Variants in MSN observed in about 807,000 individuals in gnomAD.
MSN encodes epididymis luminal protein 70.
A neutral mutation model predicts 48.0 loss-of-function variants in MSN; 2 were observed. That is an observed-to-expected ratio of 0.04 (90% CI 0.02 to 0.13). The LOEUF is 0.13. Ranked by LOEUF, MSN falls within the 10% of genes least tolerant of loss-of-function variation. MSN has a pLI of 1.00. For missense variants in MSN, 267 were observed against 470.1 expected, an observed-to-expected ratio of 0.57 and a Z score of 3.99; for synonymous variants, 146 against 166.9, an observed-to-expected ratio of 0.87 and a Z score of 0.97.
chrX:65,739,228 T>A, intron 12 of MSN, 34 bp downstream of exon 12: 1 of 1,136,774 alleles, frequency 8.8e-7, no homozygotes, highest in Non-Finnish European at 1.2e-6. Context: ...AAGGAAACTA[T>A]ATGCATTGAT....
At chrX:65,729,191 T>G (rs1325081329) in intron 3 of MSN, among the ~76,000 whole-genome samples, 1 of 111,904 alleles carries the variant, frequency 8.9e-6, no homozygotes, top group Non-Finnish European at 1.9e-5. Context: ...GGTTTGAAGA[T>G]TTCTGATCAT....
rs1170529944 is a variant in MSN at position 65,657,368 on chromosome X, G to A, written c.-21-59450G>A. On this transcript the variant is annotated intron_variant, in intron 1 of 3. Transcript: ENST00000609672. ...CACAGATGGATGCGGATGGTTCACA[G>A]ACGGGCCATGAGCTCAGCAGGCTGT... Among the ~76,000 whole-genome samples, 10 of 110,252 alleles carry A rather than the reference G, an allele frequency of 9.1e-5. No homozygotes were observed. In the Admixed American group the frequency reaches 9.6e-4, roughly 11 times the overall value.
At chrX:65,607,488 C>G (rs901835491) in intron 1 of MSN, among the ~76,000 whole-genome samples, 1 of 111,417 alleles carries the variant, frequency 9.0e-6, no homozygotes, top group African/African-American at 3.3e-5. Flanking sequence ...AATAGAGACA[C>G]AGGGTCAGGG....
Position 65,736,908 on chromosome X carries a change from C to A in MSN, c.1073C>A (p.Thr358Asn). The A allele has an allele frequency of 8.3e-7, 1 of 1,206,990 alleles. No homozygotes were observed. ...AGGCTGAAGCAGATCGAGGAACAGA[C>A]TAAGAAGGCTCAGCAAGGTGAGGCT... ...MERLKQIEEQ[T>N]KKAQQELEEQ... The change falls in exon 9 of 13, where the codon ACT becomes AAT. Residue 358 changes from threonine (T) to asparagine (N), a missense_variant. Physicochemically the swap from Thr to Asn is moderately conservative, Grantham distance 65. Coordinates refer to ENST00000360270, the MANE Select transcript of MSN (RefSeq NM_002444.3).
chrX:65,616,723 G>A (rs1190003768), intron 1 of MSN, among the ~76,000 whole-genome samples: 2 of 102,506 alleles, frequency 2.0e-5, no homozygotes, highest in African/African-American at 7.2e-5. Context: ...GATTGCCCTG[G>A]CCAGAACTTC....
intron 1 of MSN, among the ~76,000 whole-genome samples, chrX:65,617,588 C>A (rs2148358112): frequency 9.6e-6 from 1 of 104,690 alleles, no homozygotes; most frequent in South Asian, 4.2e-4. Context: ...CTATTTGATT[C>A]TTCTCTCTTT....
At chrX:65,702,165 G>A (rs1244214495) in intron 1 of MSN, among the ~76,000 whole-genome samples, 2 of 107,578 alleles carry the variant, frequency 1.9e-5, no homozygotes, top group Non-Finnish European at 3.9e-5. Context: ...AGAATGCACC[G>A]CTACACCTGG....
intron 1 of MSN, among the ~76,000 whole-genome samples, chrX:65,710,975 C>T (rs2071408316): frequency 9.6e-6 from 1 of 103,994 alleles, no homozygotes; most frequent in Non-Finnish European, 2.0e-5. Flanking sequence ...GCCTCTGCCT[C>T]CTGGGTTCAA....
intron 1 of MSN, among the ~76,000 whole-genome samples, chrX:65,651,126 T>G: frequency 9.1e-6 from 1 of 110,329 alleles, no homozygotes; most frequent in Non-Finnish European, 1.9e-5. Flanking sequence ...ATTAATAGGT[T>G]TTGAAAATTA....
In MSN at chrX:65,738,572, G is replaced by A. The variant is rs1403216287; in HGVS notation, c.1299G>A (p.Met433Ile). Residue 433 changes from methionine to isoleucine, a missense_variant, in exon 11 of 13, where the codon ATG (methionine) becomes ATA (isoleucine). Met to Ile is a conservative substitution (Grantham distance 10). This residue lies in a region of MSN where 70 missense variants were observed against 76.3 expected (regional missense o/e 0.92). Coordinates refer to ENST00000360270, the MANE Select transcript of MSN (RefSeq NM_002444.3). Reference sequence around the variant, plus strand: ...CAGCTCGAATCTCCCAGCTGGAGATGGCCCGACAGAAGAAGGAGAGTGAGG... The same window carrying A: ...CAGCTCGAATCTCCCAGCTGGAGATAGCCCGACAGAAGAAGGAGAGTGAGG... ...ELTARISQLE[M>I]ARQKKESEAV... is the part of the protein sequence containing the mutation. 8.3e-7 allele frequency: 1 copy of A among 1,208,036 alleles called. No homozygotes were observed. Among genetic ancestry groups the A allele is most frequent in the Non-Finnish European group, 1.1e-6 (1 of 894,230 alleles).
upstream of MSN, among the ~76,000 whole-genome samples, chrX:65,664,684 C>A (rs1231720714): frequency 9.4e-6 from 1 of 106,898 alleles, no homozygotes; most frequent in Non-Finnish European, 1.9e-5. Context: ...CAGCCCCTTT[C>A]CCCCTATTTC....
At chrX:65,619,269 G>A (rs976833662) in intron 1 of MSN, among the ~76,000 whole-genome samples, 2 of 102,480 alleles carry the variant, frequency 2.0e-5, no homozygotes, top group South Asian at 4.1e-4. Context: ...TGCTAGATTG[G>A]GGAAGTTCTC....
chrX:65,651,996 A>G (rs1265846041), intron 1 of MSN, among the ~76,000 whole-genome samples: 1 of 107,344 alleles, frequency 9.3e-6, no homozygotes, highest in African/African-American at 3.4e-5. Flanking sequence ...CACGCCTGTA[A>G]TCCCAGCACT....
At position 65,703,342 on chromosome X, in the gene MSN, C is replaced by T. The variant is rs773280961; in HGVS notation, c.13-13476C>T. ...TCTCCCAATAACCCTGTACTGAGGT[C>T]GATATTATTAGACCCGTTTTATAGA... On this transcript the variant is annotated intron_variant, in intron 1 of 12. Transcript: ENST00000360270. Among the ~76,000 whole-genome samples, 8 of 110,517 alleles carry T rather than the reference C, an allele frequency of 7.2e-5. No individual in the cohort carries two copies. In the South Asian group the frequency reaches 1.2e-3, roughly 16 times the overall value.
At chrX:65,615,698 T>A (rs1276955791) in intron 1 of MSN, among the ~76,000 whole-genome samples, 2 of 108,073 alleles carry the variant, frequency 1.9e-5, no homozygotes, top group African/African-American at 6.8e-5. Flanking sequence ...GTGCAGAAGC[T>A]CTTTAGTTTA....
chrX:65,631,929 A>G lies in MSN; in HGVS notation c.-22+43317A>G, dbSNP rs1485016630. Reference sequence around the variant, plus strand: ...TGGGCTCAAGCAATCTTCTTGCCTCAGCATCCTAAAATGTTGGGATTACAG... The same window carrying G: ...TGGGCTCAAGCAATCTTCTTGCCTCGGCATCCTAAAATGTTGGGATTACAG... On this transcript the variant is annotated intron_variant, in intron 1 of 3. Transcript: ENST00000609672. 2.7e-5 allele frequency among the ~76,000 whole-genome samples: 3 copies of G among 111,775 alleles called. No individual in the cohort carries two copies. In the East Asian group the frequency reaches 8.4e-4, roughly 31 times the overall value.
chrX:65,741,801 G>C lies in MSN; in HGVS notation c.*1908G>C, dbSNP rs746186508. On this transcript the variant is annotated 3_prime_UTR_variant, in exon 13 of 13. Transcript: ENST00000360270. ...TCAGTAACTTACCCTTAGGGAGGCTGGGGGAAAAGGTTAGATTTTGTATTC... is the reference window on the plus strand; with the variant it reads ...TCAGTAACTTACCCTTAGGGAGGCTCGGGGAAAAGGTTAGATTTTGTATTC... The C allele has an allele frequency of 6.1e-5, 10 of 164,412 alleles. No individual in the cohort carries two copies. In the Admixed American group the frequency reaches 7.4e-4, roughly 12 times the overall value. 13.5% of individuals were successfully genotyped at this position (164,412 alleles called of 1,213,427 possible). A position where few individuals can be genotyped will look rare whatever the true frequency, so the allele number is the denominator to read the frequency against.
chrX:65,681,255 G>C lies in MSN; in HGVS notation c.12+13402G>C, dbSNP rs2071052266. The stretch of plus-strand genomic sequence containing the variant: ...CCCACTGTACTTTGTAAGAACTTCT[G>C]TTATGTTATTTACCATGCAGAATTG... On this transcript the variant is annotated intron_variant, in intron 1 of 12. Transcript: ENST00000360270. Among the ~76,000 whole-genome samples the C allele has an allele frequency of 2.7e-5, 3 of 111,744 alleles. No homozygotes were observed. In the South Asian group the frequency reaches 1.1e-3, roughly 41 times the overall value.
At chrX:65,593,216 C>G (rs1410587072) in intron 1 of MSN, 1 of 106,123 alleles carries the variant, frequency 9.4e-6, no homozygotes, top group Admixed American at 1.0e-4. Context: ...TCCTGTGGTG[C>G]TTCCCACCAT....
Sources: gnomAD v4.1 joint callset for allele counts (sites outside exome capture counted in the v4.1 genomes callset) on GRCh38, gnomAD v4.1.1 for gene constraint, gnomAD v4.1.1 regional missense constraint, MANE v1.5 for transcripts, NCBI Gene and HGNC (gene_info 2026-07-23, HGNC 2026-07-21) for gene names.